The following PAX3 variants were observed in gnomAD, a reference collection of about 807,000 sequenced individuals.
PAX3 encodes the protein paired box protein Pax-3.
In PAX3, 14 loss-of-function variants were observed where a neutral mutation model predicts 51.6. The ratio of observed to expected loss-of-function variants is 0.27; its 90% CI spans 0.18 to 0.42. The LOEUF (loss-of-function observed/expected upper bound fraction) is 0.42. Among genes scored for constraint, PAX3 ranks in the 10% least tolerant of loss-of-function variants. The probability of loss-of-function intolerance (pLI) is 1.00; values close to 1 mark genes in which losing one functional copy is unlikely to be tolerated. For synonymous variants in PAX3, 280 were observed against 253.4 expected (o/e 1.11, Z -1.00); for missense variants, 540 against 642.8 (o/e 0.84, Z 1.73).
intron 4 of PAX3, among the ~76,000 whole-genome samples, chr2:222,288,654 A>AC (rs200817406): frequency 5.3e-5 from 8 of 152,172 alleles, no homozygotes; most frequent in South Asian, 2.1e-4. Flanking sequence ...TTTCTGCCAC[A>AC]CCCCCCCAAA....
At position 222,298,512 on chromosome 2, in the gene PAX3, C is replaced by T. The variant is rs747292645; in HGVS notation, c.85+19G>A. 3.2e-6 allele frequency: 5 copies of T among 1,583,254 alleles called. No individual in the cohort carries two copies. Among genetic ancestry groups the T allele is most frequent in the Non-Finnish European group, 4.3e-6 (5 of 1,164,108 alleles). On this transcript the variant is annotated intron_variant, in intron 1 of 8. Coordinates refer to ENST00000392070, the MANE Select transcript of PAX3 (RefSeq NM_181458.4). ...CCCAGGCCCTGGGATCCAGGCGGCGCGCTGAGGCCCTCCCTTACCTTCCAG... is the reference window on the plus strand; with the variant it reads ...CCCAGGCCCTGGGATCCAGGCGGCGTGCTGAGGCCCTCCCTTACCTTCCAG...
intron 4 of PAX3, among the ~76,000 whole-genome samples, chr2:222,282,100 C>T (rs1299061362): frequency 3.9e-5 from 6 of 152,226 alleles, no homozygotes; most frequent in East Asian, 1.9e-4. Flanking sequence ...ATAAATCCTT[C>T]GCCCCTAACT....
At chr2:222,298,407 G>T (rs1419355277) in intron 1 of PAX3, 124 bp downstream of exon 1, 4 of 749,278 alleles carry the variant, frequency 5.3e-6, no homozygotes, top group Non-Finnish European at 9.2e-6. Context: ...GCTTCTTGGG[G>T]TGTGGGGTGC....
intron 4 of PAX3, among the ~76,000 whole-genome samples, chr2:222,291,935 A>AC (rs1164291847): frequency 6.6e-6 from 1 of 151,066 alleles, no homozygotes; most frequent in Non-Finnish European, 1.5e-5. Flanking sequence ...ATCTTCCTTG[A>AC]CAACCCCAAA....
chr2:222,224,603 C>G (rs1692315758), intron 5 of PAX3, among the ~76,000 whole-genome samples: 1 of 152,064 alleles, frequency 6.6e-6, no homozygotes, highest in Admixed American at 6.5e-5. Flanking sequence ...CTAGAAATGA[C>G]CTTTACTTTC....
intron 4 of PAX3, among the ~76,000 whole-genome samples, chr2:222,235,028 G>A (rs2106100329): frequency 6.6e-6 from 1 of 152,192 alleles, no homozygotes; most frequent in Non-Finnish European, 1.5e-5. Flanking sequence ...GATCCCATTA[G>A]GATAATAGTA....
At chr2:222,266,932 C>T (rs954819118) in intron 4 of PAX3, among the ~76,000 whole-genome samples, 38 of 152,194 alleles carry the variant, frequency 2.5e-4, no homozygotes, top group Non-Finnish European at 1.2e-4. Context: ...ATACAGCAGG[C>T]GCTACAAGTG....
chr2:222,280,374 G>GGGAA lies in PAX3; in HGVS notation c.586+13789_586+13792dup, dbSNP rs147944858. Among the ~76,000 whole-genome samples, 12 of 144,530 alleles carry GGGAA rather than the reference G, an allele frequency of 8.3e-5. No homozygotes were observed. In the East Asian group the frequency reaches 2.0e-3, roughly 24 times the overall value. 94.8% of individuals were successfully genotyped at this position (144,530 alleles called of 152,430 possible). ...AAAAGAAAGAAAGAGAGAAATAAAG[G>GGGAA]GGAAGGAAGGAAGGAAGGAAAAAGA... On this transcript the variant is annotated intron_variant, in intron 4 of 8. Coordinates refer to ENST00000392070, the MANE Select transcript of PAX3 (RefSeq NM_181458.4).
intron 7 of PAX3, among the ~76,000 whole-genome samples, chr2:222,209,588 G>A (rs1185205955): frequency 4.6e-5 from 7 of 151,476 alleles, no homozygotes; most frequent in East Asian, 3.9e-4. Context: ...GGCCAGATGC[G>A]GTGGCTCATG....
chr2:222,224,246 C>A lies in PAX3; in HGVS notation c.793-2859G>T, dbSNP rs545580373. On this transcript the variant is annotated intron_variant, in intron 5 of 8. Coordinates refer to ENST00000392070, the MANE Select transcript of PAX3 (RefSeq NM_181458.4). ...AAAATGAAGAGAAATTGTTGTGAAG[C>A]AAATCTTTACTGAAAAACAAACCTT... Among the ~76,000 whole-genome samples, 107 of 152,248 alleles carry A rather than the reference C, an allele frequency of 7.0e-4. 1 individual carries two copies. The highest frequency in any genetic ancestry group is 2.5e-3 in the African/African-American group (105 of 41,552).
chr2:222,286,739 C>T (rs1694845956), intron 4 of PAX3, among the ~76,000 whole-genome samples: 1 of 152,166 alleles, frequency 6.6e-6, no homozygotes, highest in South Asian at 2.1e-4. Flanking sequence ...TTTTCAAAGA[C>T]ACATGGCCAC....
At chr2:222,205,990 C>A (rs1213505717) in intron 7 of PAX3, among the ~76,000 whole-genome samples, 1 of 152,090 alleles carries the variant, frequency 6.6e-6, no homozygotes, top group African/African-American at 2.4e-5. Context: ...GTCAGAATTT[C>A]TTTTATGCAC....
chr2:222,227,476 C>T (rs1574655754), intron 5 of PAX3, among the ~76,000 whole-genome samples: 1 of 152,026 alleles, frequency 6.6e-6, no homozygotes, highest in Non-Finnish European at 1.5e-5. Flanking sequence ...CCTGTAGTCT[C>T]GGCTACCCAG....
chr2:222,217,630 G>GTTAA (rs3075825), intron 7 of PAX3, among the ~76,000 whole-genome samples: 1 of 151,704 alleles, frequency 6.6e-6, no homozygotes, highest in African/African-American at 2.4e-5. Context: ...GTTATTCTCA[G>GTTAA]CATAACACTG....
intron 4 of PAX3, among the ~76,000 whole-genome samples, chr2:222,261,787 A>T (rs114915213): frequency 0.018 from 2,693 of 152,310 alleles, 32 homozygotes; most frequent in Middle Eastern, 0.092. Context: ...AATTAAATAA[A>T]TGATATAAAA....
chr2:222,231,952 G>A, intron 5 of PAX3, 126 bp downstream of exon 5: 1 of 810,556 alleles, frequency 1.2e-6, no homozygotes, highest in Middle Eastern at 3.5e-4. Flanking sequence ...CTAACAATAT[G>A]CATCCCTAGT....
chr2:222,255,919 T>TC (rs1693622836), intron 4 of PAX3, among the ~76,000 whole-genome samples: 1 of 135,214 alleles, frequency 7.4e-6, no homozygotes, highest in Non-Finnish European at 1.6e-5. Context: ...CCCAGCTAAT[T>TC]TTTTTTTTTT....
chr2:222,275,187 A>G (rs1389224099), intron 4 of PAX3, among the ~76,000 whole-genome samples: 1 of 152,184 alleles, frequency 6.6e-6, no homozygotes, highest in Non-Finnish European at 1.5e-5. Context: ...TCATATGGTA[A>G]ATAGCAGGGC....
intron 5 of PAX3, among the ~76,000 whole-genome samples, chr2:222,223,397 C>G (rs1034715365): frequency 3.3e-5 from 5 of 152,098 alleles, no homozygotes; most frequent in South Asian, 4.2e-4. Flanking sequence ...GTAATAGAAC[C>G]ATGAACAGCA....
Sources: gnomAD v4.1 joint callset for allele counts (sites outside exome capture counted in the v4.1 genomes callset) on GRCh38, gnomAD v4.1.1 for gene constraint, MANE v1.5 for transcripts, NCBI Gene and HGNC (gene_info 2026-07-23, HGNC 2026-07-21) for gene names.